The following KIRREL1 variants were observed in gnomAD, a reference collection of about 807,000 sequenced individuals.
The protein encoded by KIRREL1 is kin of IRRE-like protein 1.
A neutral mutation model predicts 83.3 loss-of-function variants in KIRREL1; 25 were observed. That is an observed-to-expected ratio of 0.30 (90% confidence interval 0.22 to 0.42). The LOEUF (loss-of-function observed/expected upper bound fraction) is 0.42. Among genes scored for constraint, KIRREL1 ranks in the 10% least tolerant of loss-of-function variants. The pLI is 1.00. For synonymous variants in KIRREL1, 388 were observed against 410.4 expected (o/e 0.95, Z 0.66); for missense variants, 812 against 1,032.3 (o/e 0.79, Z 2.92).
chr1:158,042,325 C>T (rs1271798354), intron 1 of KIRREL1, among the ~76,000 whole-genome samples: 3 of 151,946 alleles, frequency 2.0e-5, no homozygotes, highest in African/African-American at 2.4e-5. Flanking sequence ...TAGATGCTCC[C>T]GGCACCAGTT....
intron 1 of KIRREL1, among the ~76,000 whole-genome samples, chr1:158,057,033 G>A (rs551809627): frequency 6.6e-6 from 1 of 152,214 alleles, no homozygotes; most frequent in South Asian, 2.1e-4. Flanking sequence ...GAGGACCCCA[G>A]CATTCCTTCC....
chr1:158,044,670 C>G (rs1051628916), intron 1 of KIRREL1, among the ~76,000 whole-genome samples: 5 of 152,004 alleles, frequency 3.3e-5, no homozygotes, highest in Non-Finnish European at 7.4e-5. Flanking sequence ...AGCTAATTTT[C>G]GCATTTTTAG....
chr1:158,019,563 C>T (rs1659943383), intron 1 of KIRREL1, among the ~76,000 whole-genome samples: 1 of 152,152 alleles, frequency 6.6e-6, no homozygotes, highest in Admixed American at 6.5e-5. Context: ...GAGCTCCACA[C>T]TGACCCCCTT....
intron 1 of KIRREL1, among the ~76,000 whole-genome samples, chr1:158,037,537 C>T (rs1239998969): frequency 4.0e-5 from 6 of 150,152 alleles, no homozygotes; most frequent in Admixed American, 4.0e-4. Context: ...ACACCTACTT[C>T]TCAGGGGTCG....
chr1:158,002,316 A>C (rs1157605723), intron 1 of KIRREL1, among the ~76,000 whole-genome samples: 1 of 152,194 alleles, frequency 6.6e-6, no homozygotes, highest in Non-Finnish European at 1.5e-5. Context: ...GCCCAGAGTC[A>C]AGGGGAGCCA....
intron 1 of KIRREL1, among the ~76,000 whole-genome samples, chr1:158,072,614 G>A (rs183962470): frequency 2.0e-5 from 3 of 152,160 alleles, no homozygotes; most frequent in East Asian, 1.9e-4. Context: ...TCCACCCCAG[G>A]GAAAGGCCTG....
chr1:158,077,153 T>C (rs761121545), intron 2 of KIRREL1, among the ~76,000 whole-genome samples: 9 of 152,224 alleles, frequency 5.9e-5, no homozygotes, highest in Non-Finnish European at 1.2e-4. Context: ...TTTTTATTCT[T>C]ATAATTGTTG....
At chr1:158,038,482 CCT>C (rs1660533711) in intron 1 of KIRREL1, among the ~76,000 whole-genome samples, 2 of 126,486 alleles carry the variant, frequency 1.6e-5, no homozygotes, top group Non-Finnish European at 3.2e-5. Flanking sequence ...GGTGGCTCTT[CCT>C]CTTTTTTTTT....
intron 1 of KIRREL1, among the ~76,000 whole-genome samples, chr1:158,071,345 C>T (rs61818113): frequency 0.22 from 34,142 of 152,072 alleles, 3,936 homozygotes; most frequent in East Asian, 0.29. Flanking sequence ...CTTCTGGGTA[C>T]GTGTGAGTGC....
At chr1:158,080,979 T>C (rs1661834526) in intron 3 of KIRREL1, among the ~76,000 whole-genome samples, 1 of 97,954 alleles carries the variant, frequency 1.0e-5, no homozygotes, top group African/African-American at 3.5e-5. Context: ...CCTCCCTGCA[T>C]GATGTCAGCC....
intron 1 of KIRREL1, among the ~76,000 whole-genome samples, chr1:158,070,115 G>A (rs1661470989): frequency 6.6e-6 from 1 of 152,220 alleles, no homozygotes; most frequent in African/African-American, 2.4e-5. Flanking sequence ...CCAGCCCAGA[G>A]CTGAAGAGTG....
intron 1 of KIRREL1, among the ~76,000 whole-genome samples, chr1:158,048,476 T>C (rs1345665770): frequency 6.6e-6 from 1 of 152,158 alleles, no homozygotes; most frequent in East Asian, 1.9e-4. Flanking sequence ...GCATGATTGT[T>C]TTGAGCCAGC....
chr1:157,997,283 G>A (rs1461244762), intron 1 of KIRREL1, among the ~76,000 whole-genome samples: 2 of 152,198 alleles, frequency 1.3e-5, no homozygotes, highest in Admixed American at 6.5e-5. Context: ...GAGGATGGAA[G>A]TAATACCTCA....
rs375224365 is a variant in KIRREL1, at chr1:158,039,302, C to T, written c.53-36811C>T. Among the ~76,000 whole-genome samples, 3 of 152,330 alleles carry T rather than the reference C, an allele frequency of 2.0e-5. No homozygotes were observed. In the South Asian group the frequency reaches 6.2e-4, roughly 32 times the overall value. On this transcript the variant is annotated intron_variant, in intron 1 of 14. Transcript: ENST00000359209. ...GGAAAATCACTTGGAAATGTACTTC[C>T]CTTTACTGACCCTGCAGCTCTGTCC...
chr1:158,010,557 G>GA (rs1488400671), intron 1 of KIRREL1, among the ~76,000 whole-genome samples: 2 of 152,120 alleles, frequency 1.3e-5, no homozygotes, highest in African/African-American at 4.8e-5. Context: ...TCTCCCCGAA[G>GA]AAACATGCTC....
intron 1 of KIRREL1, among the ~76,000 whole-genome samples, chr1:158,067,935 A>G (rs565757195): frequency 6.6e-6 from 1 of 152,178 alleles, no homozygotes; most frequent in East Asian, 1.9e-4. Context: ...GTAAAATCCC[A>G]TCTGGTCCCT....
At chr1:158,038,140 G>A (rs111871993) in intron 1 of KIRREL1, among the ~76,000 whole-genome samples, 1,598 of 152,320 alleles carry the variant, frequency 0.01, 16 homozygotes, top group African/African-American at 0.036. Flanking sequence ...ATTTCTTCCT[G>A]CTGGAGGAAT....
At position 158,077,972 on chromosome 1, in the gene KIRREL1, ATTC is replaced by A; in HGVS notation, c.203-16_203-14del. The A allele has an allele frequency of 6.2e-7, 1 of 1,613,328 alleles. No homozygotes were observed. Among genetic ancestry groups the A allele is most frequent in the Middle Eastern group, 1.7e-4 (1 of 6,058 alleles). On this transcript the variant is annotated splice_polypyrimidine_tract_variant and intron_variant, in intron 2 of 14. Transcript: ENST00000359209. ...TGTCCTTGTTTCAAGGTTGGGCCTC[ATTC>A]TTTCTGTTTCTGCAGCCTGGCCACG...
intron 1 of KIRREL1, among the ~76,000 whole-genome samples, chr1:158,050,044 C>A (rs1433584237): frequency 6.6e-6 from 1 of 152,084 alleles, no homozygotes; most frequent in African/African-American, 2.4e-5. Flanking sequence ...GGCAGTTTTT[C>A]AGGTTTAAAG....
Sources: allele counts gnomAD v4.1 joint callset (sites outside exome capture counted in the v4.1 genomes callset), GRCh38; gene constraint gnomAD v4.1.1; transcripts MANE v1.5; gene names NCBI Gene and HGNC (gene_info 2026-07-23, HGNC 2026-07-21).